PDE4D: variants seen among roughly 807,000 people sequenced by gnomAD.
PDE4D encodes 3',5'-cyclic-AMP phosphodiesterase 4D.
Under a neutral mutation model 87.4 loss-of-function variants are expected in PDE4D, and 24 were observed. The observed-to-expected ratio is 0.27, with a 90% CI of 0.20 to 0.39. The LOEUF (loss-of-function observed/expected upper bound fraction) is 0.39, where lower values mean the gene tolerates loss of function less well. Ranked by LOEUF, PDE4D falls within the 10% of genes least tolerant of loss-of-function variation. The pLI is 1.00. For missense variants in PDE4D, 714 were observed against 1,041.0 expected, an observed-to-expected ratio of 0.69 and a Z score of 4.32; for synonymous variants, 384 against 383.2, an observed-to-expected ratio of 1.00 and a Z score of -0.02.
At chr5:60,328,301 C>T (rs1025627204) in intron 1 of PDE4D, among the ~76,000 whole-genome samples, 1 of 152,136 alleles carries the variant, frequency 6.6e-6, no homozygotes, top group Non-Finnish European at 1.5e-5. Flanking sequence ...GAGAAGAGTC[C>T]ATTCTTCTAG....
At chr5:60,451,779 G>A (rs1461409146) in intron 1 of PDE4D, among the ~76,000 whole-genome samples, 1 of 152,030 alleles carries the variant, frequency 6.6e-6, no homozygotes, top group East Asian at 1.9e-4. Context: ...AGACAAAAGG[G>A]GGAAACTGGA....
At chr5:59,128,118 G>T (rs377049697) in intron 5 of PDE4D, among the ~76,000 whole-genome samples, 1 of 150,404 alleles carries the variant, frequency 6.6e-6, no homozygotes, top group Non-Finnish European at 1.5e-5. Context: ...TTACTAAAAG[G>T]CTTCAGTCTT....
chr5:60,239,134 A>G (rs144340337), intron 1 of PDE4D, among the ~76,000 whole-genome samples: 2,136 of 152,200 alleles, frequency 0.014, 26 homozygotes, highest in Middle Eastern at 0.034. Flanking sequence ...TACATTCCAC[A>G]TGGGATTTAA....
intron 1 of PDE4D, among the ~76,000 whole-genome samples, chr5:59,554,866 A>G (rs1390398271): frequency 1.3e-5 from 2 of 152,180 alleles, no homozygotes; most frequent in Non-Finnish European, 2.9e-5. Context: ...TAATCATCTG[A>G]AGAAATGTGC....
chr5:58,978,715 G>C (rs1291635259), intron 11 of PDE4D, among the ~76,000 whole-genome samples: 1 of 152,094 alleles, frequency 6.6e-6, no homozygotes, highest in African/African-American at 2.4e-5. Context: ...GTTTAGACTA[G>C]TAGGGAGTAG....
rs571394914 is a variant in PDE4D, at chr5:59,691,821, G to A, written c.455+201347C>T. Among the ~76,000 whole-genome samples, 81 of 152,014 alleles carry A rather than the reference G, an allele frequency of 5.3e-4. 1 individual carries two copies. Among genetic ancestry groups the A allele is most frequent in the African/African-American group, 1.4e-3 (59 of 41,486 alleles). ...AATAATATAATAATGAAAGTTGTAT[G>A]TAATACTTTCCTTTCATTCAATAAA... On this transcript the variant is annotated intron_variant, in intron 1 of 14. Transcript: ENST00000340635.
intron 1 of PDE4D, among the ~76,000 whole-genome samples, chr5:59,310,075 G>A (rs1454729906): frequency 2.0e-5 from 3 of 152,148 alleles, no homozygotes; most frequent in African/African-American, 7.2e-5. Flanking sequence ...GACAGCAGAG[G>A]TGGAGGACTT....
At chr5:59,168,849 T>C (rs1036405623) in intron 5 of PDE4D, among the ~76,000 whole-genome samples, 10 of 152,168 alleles carry the variant, frequency 6.6e-5, no homozygotes, top group Non-Finnish European at 1.2e-4. Flanking sequence ...CTTTGTAATT[T>C]TCTACCTATG....
intron 1 of PDE4D, among the ~76,000 whole-genome samples, chr5:59,695,214 T>A (rs1242688342): frequency 4.0e-5 from 6 of 149,502 alleles, no homozygotes; most frequent in African/African-American, 1.5e-4. Flanking sequence ...AAAAAAAATA[T>A]CGAGTCAAGG....
intron 3 of PDE4D, among the ~76,000 whole-genome samples, chr5:59,912,875 G>A (rs936346356): frequency 6.6e-6 from 1 of 152,218 alleles, no homozygotes; most frequent in Non-Finnish European, 1.5e-5. Flanking sequence ...AGTGAGGCAT[G>A]TTATTCTGAA....
chr5:60,497,352 T>G (rs138166470), intron 1 of PDE4D, among the ~76,000 whole-genome samples: 4 of 152,282 alleles, frequency 2.6e-5, no homozygotes, highest in African/African-American at 9.6e-5. Context: ...GTTAGGCATC[T>G]TCTCTTATGT....
At chr5:59,390,835 G>A (rs1012947111) in intron 1 of PDE4D, among the ~76,000 whole-genome samples, 1 of 152,094 alleles carries the variant, frequency 6.6e-6, no homozygotes, top group Non-Finnish European at 1.5e-5. Context: ...GATAAGGCTA[G>A]ATGAGTTACA....
At chr5:60,250,917 A>C (rs1369324477) in intron 1 of PDE4D, among the ~76,000 whole-genome samples, 1 of 151,980 alleles carries the variant, frequency 6.6e-6, no homozygotes, top group Non-Finnish European at 1.5e-5. Flanking sequence ...GAAAATCTTC[A>C]GTAAGACAGG....
intron 2 of PDE4D, among the ~76,000 whole-genome samples, chr5:60,039,333 G>A (rs1378693490): frequency 1.3e-5 from 2 of 149,778 alleles, no homozygotes; most frequent in Admixed American, 6.7e-5. Context: ...ACTATCACAA[G>A]AACAAAAAAC....
At chr5:59,843,591 C>A (rs1435094574) in intron 1 of PDE4D, among the ~76,000 whole-genome samples, 1 of 152,108 alleles carries the variant, frequency 6.6e-6, no homozygotes, top group East Asian at 1.9e-4. Context: ...TCTCAAAAAA[C>A]TCTTTCCTCC....
chr5:59,480,111 ATTT>A (rs943938131), intron 1 of PDE4D, among the ~76,000 whole-genome samples: 2 of 151,810 alleles, frequency 1.3e-5, no homozygotes, highest in Admixed American at 1.3e-4. Context: ...ATATTGAAAA[ATTT>A]TATAGGCATG....
chr5:59,948,560 A>G (rs1421828889), intron 3 of PDE4D, among the ~76,000 whole-genome samples: 1 of 152,222 alleles, frequency 6.6e-6, no homozygotes, highest in East Asian at 1.9e-4. Context: ...AATGGGATGA[A>G]TAAAACAATT....
At chr5:60,198,272 G>T (rs1741510802) in intron 1 of PDE4D, among the ~76,000 whole-genome samples, 1 of 151,324 alleles carries the variant, frequency 6.6e-6, no homozygotes, top group South Asian at 2.1e-4. Flanking sequence ...TTCTTAAGGA[G>T]ATATTTTTTT....
intron 1 of PDE4D, among the ~76,000 whole-genome samples, chr5:60,433,571 G>T (rs1744525968): frequency 6.6e-6 from 1 of 152,162 alleles, no homozygotes; most frequent in African/African-American, 2.4e-5. Flanking sequence ...CTATTATTGG[G>T]TATGTACCCA....
Sources: gnomAD v4.1 joint callset for allele counts (sites outside exome capture counted in the v4.1 genomes callset) on GRCh38, gnomAD v4.1.1 for gene constraint, MANE v1.5 for transcripts, NCBI Gene and HGNC (gene_info 2026-07-23, HGNC 2026-07-21) for gene names.